TMEM65: variants seen among roughly 807,000 people sequenced by gnomAD.
TMEM65 encodes the protein transmembrane protein 65.
A neutral mutation model predicts 25.4 loss-of-function variants in TMEM65; 22 were observed. The ratio of observed to expected loss-of-function variants is 0.86; its 90% CI spans 0.62 to 1.23. The LOEUF is 1.23. Ranked by LOEUF, TMEM65 falls within the 50% of genes most tolerant of loss-of-function variation. The pLI is 0.00. For synonymous variants in TMEM65, 132 were observed against 126.2 expected (o/e 1.05, Z -0.31); for missense variants, 262 against 308.2 (o/e 0.85, Z 1.12).
At chr8:124,333,222 G>A (rs1814456737) in intron 1 of TMEM65, among the ~76,000 whole-genome samples, 4 of 150,886 alleles carry the variant, frequency 2.7e-5, no homozygotes, top group Non-Finnish European at 4.4e-5. Flanking sequence ...TTGTAAATCA[G>A]CCCAAGGTTT....
At chr8:124,355,301 T>C (rs977828637) in intron 1 of TMEM65, among the ~76,000 whole-genome samples, 1 of 152,152 alleles carries the variant, frequency 6.6e-6, no homozygotes, top group Non-Finnish European at 1.5e-5. Context: ...CTCATGCACA[T>C]AAAATTCAGC....
chr8:124,310,786 A>G lies in TMEM65; in HGVS notation c.*3174T>C, dbSNP rs1158295155. 6.6e-6 allele frequency: 1 copy of G among 152,142 alleles called. No homozygotes were observed. The highest frequency in any genetic ancestry group is 1.5e-5 in the Non-Finnish European group (1 of 68,022). 9.4% of individuals were successfully genotyped at this position (152,142 alleles called of 1,614,324 possible). On this transcript the variant is annotated 3_prime_UTR_variant, in exon 7 of 7. Transcript: ENST00000297632. ...GCTAACCAGTTTCTAAGTCCAGACA[A>G]CTGAGAAAAAAAGCAGATTAGAGAG...
intron 1 of TMEM65, among the ~76,000 whole-genome samples, chr8:124,360,125 T>C (rs1422610861): frequency 6.6e-6 from 1 of 151,782 alleles, no homozygotes; most frequent in Non-Finnish European, 1.5e-5. Context: ...GAAAAAGAAA[T>C]TTACATCTAT....
chr8:124,362,292 T>C (rs1357313294), intron 1 of TMEM65, among the ~76,000 whole-genome samples: 1 of 152,152 alleles, frequency 6.6e-6, no homozygotes, highest in Non-Finnish European at 1.5e-5. Context: ...ATTTGAAGGT[T>C]GTTTCAAAAT....
intron 6 of TMEM65, among the ~76,000 whole-genome samples, chr8:124,317,108 A>T (rs1170043818): frequency 6.6e-6 from 1 of 152,184 alleles, no homozygotes; most frequent in Admixed American, 6.5e-5. Context: ...ATTTAACTCT[A>T]TATTACCTAT....
At chr8:124,369,814 C>T (rs1194663761) in intron 1 of TMEM65, among the ~76,000 whole-genome samples, 1 of 152,066 alleles carries the variant, frequency 6.6e-6, no homozygotes, top group Admixed American at 6.6e-5. Flanking sequence ...AAGTGAACAC[C>T]AAGACTACAT....
chr8:124,357,431 T>C (rs1450458084), intron 1 of TMEM65, among the ~76,000 whole-genome samples: 1 of 152,154 alleles, frequency 6.6e-6, no homozygotes, highest in African/African-American at 2.4e-5. Flanking sequence ...AAAACAAATA[T>C]AAAAAATCTT....
intron 6 of TMEM65, among the ~76,000 whole-genome samples, chr8:124,315,317 T>C (rs897714292): frequency 2.7e-5 from 4 of 150,174 alleles, no homozygotes; most frequent in Non-Finnish European, 5.9e-5. Flanking sequence ...TCCTACAGTT[T>C]TTTTTTTGTT....
rs189277802 is a variant in TMEM65, at chr8:124,333,113, A to T, written c.305-2321T>A. Among the ~76,000 whole-genome samples the T allele has an allele frequency of 9.6e-3, 1,452 of 151,798 alleles. 31 individuals carry two copies. The highest frequency in any genetic ancestry group is 0.017 in the Middle Eastern group (5 of 294). ...CACCATGCCCAGCCCAATTTTTTTT[A>T]AAATCAGAAGTTATTCTTTCTTATG... On this transcript the variant is annotated intron_variant, in intron 1 of 6. Coordinates refer to ENST00000297632, the MANE Select transcript of TMEM65 (RefSeq NM_194291.3).
In TMEM65 at chr8:124,334,163, A is replaced by C. The variant is rs555426045; in HGVS notation, c.305-3371T>G. On this transcript the variant is annotated intron_variant, in intron 1 of 6. Coordinates refer to ENST00000297632, the MANE Select transcript of TMEM65 (RefSeq NM_194291.3). ...AATGCTTTTCAGATGAACAAGACAG[A>C]ATCCAGAGTCTCTACAATGTAGCAA... 2.0e-5 allele frequency among the ~76,000 whole-genome samples: 3 copies of C among 152,352 alleles called. No individual in the cohort carries two copies. In the East Asian group the frequency reaches 5.8e-4, roughly 29 times the overall value.
Position 124,313,660 on chromosome 8 carries a change from T to C in TMEM65, c.*300A>G, listed in dbSNP as rs1814195187. On this transcript the variant is annotated 3_prime_UTR_variant, in exon 7 of 7. Coordinates refer to ENST00000297632, the MANE Select transcript of TMEM65 (RefSeq NM_194291.3). ...AAGTAACAAATAAGCAAACCCCAAGTCAATACAGTACATCAATGACACTTA... is the reference window on the plus strand; with the variant it reads ...AAGTAACAAATAAGCAAACCCCAAGCCAATACAGTACATCAATGACACTTA... 4.4e-6 allele frequency: 1 copy of C among 229,614 alleles called. No individual in the cohort carries two copies. The highest frequency in any genetic ancestry group is 2.3e-5 in the African/African-American group (1 of 43,300). 14.2% of individuals were successfully genotyped at this position (229,614 alleles called of 1,614,324 possible). A position where few individuals can be genotyped will look rare whatever the true frequency, so the allele number is the denominator to read the frequency against.
chr8:124,327,224 G>C, intron 3 of TMEM65, 130 bp downstream of exon 3: 4 of 649,328 alleles, frequency 6.2e-6, no homozygotes, highest in Non-Finnish European at 8.1e-6. Context: ...TATAGTCTGA[G>C]ATATAGTAAA....
chr8:124,344,058 T>C (rs1403315198), intron 1 of TMEM65, among the ~76,000 whole-genome samples: 3 of 152,332 alleles, frequency 2.0e-5, no homozygotes, highest in South Asian at 2.1e-4. Context: ...TCTCTAATAG[T>C]GGCCTCTAAT....
chr8:124,337,274 A>G (rs1380822301), intron 1 of TMEM65, among the ~76,000 whole-genome samples: 1 of 152,024 alleles, frequency 6.6e-6, no homozygotes, highest in African/African-American at 2.4e-5. Context: ...ATAATTTTCA[A>G]CTCATTTAAT....
chr8:124,319,270 C>T lies in TMEM65; in HGVS notation c.621+816G>A, dbSNP rs571752405. 5.9e-5 allele frequency among the ~76,000 whole-genome samples: 9 copies of T among 152,228 alleles called. No homozygotes were observed. In the South Asian group the frequency reaches 1.9e-3, roughly 32 times the overall value. The stretch of plus-strand genomic sequence containing the variant: ...TCCAAAATAGAACTCATTATCTTCC[C>T]TTACAAGCTTATTCCTCCTCCTTTT... On this transcript the variant is annotated intron_variant, in intron 6 of 6. Coordinates refer to ENST00000297632, the MANE Select transcript of TMEM65 (RefSeq NM_194291.3).
At chr8:124,340,691 T>C (rs1435352525) in intron 1 of TMEM65, among the ~76,000 whole-genome samples, 1 of 152,134 alleles carries the variant, frequency 6.6e-6, no homozygotes, top group Non-Finnish European at 1.5e-5. Context: ...AGCATAATTA[T>C]TAAAAACGAG....
chr8:124,366,796 C>A (rs952997543), intron 1 of TMEM65, among the ~76,000 whole-genome samples: 30 of 152,288 alleles, frequency 2.0e-4, no homozygotes, highest in African/African-American at 7.2e-4. Context: ...TTCCAACATA[C>A]CCCGTAACTC....
At chr8:124,349,302 T>C (rs1226484278) in intron 1 of TMEM65, among the ~76,000 whole-genome samples, 2 of 151,896 alleles carry the variant, frequency 1.3e-5, no homozygotes, top group African/African-American at 2.4e-5. Context: ...TTGCTTTTTT[T>C]CCCCTCATAA....
At chr8:124,331,792 A>G (rs552953514) in intron 1 of TMEM65, among the ~76,000 whole-genome samples, 1 of 152,146 alleles carries the variant, frequency 6.6e-6, no homozygotes, top group African/African-American at 2.4e-5. Flanking sequence ...AACGCATTAC[A>G]AACTAGATGT....
Sources: gnomAD v4.1 joint callset for allele counts (sites outside exome capture counted in the v4.1 genomes callset) on GRCh38, gnomAD v4.1.1 for gene constraint, MANE v1.5 for transcripts, NCBI Gene and HGNC (gene_info 2026-07-23, HGNC 2026-07-21) for gene names.